Variants in GCSAML observed in about 807,000 individuals in gnomAD.
The protein encoded by GCSAML is germinal center associated signaling and motility like, also known as germinal center-associated signaling and motility-like protein.
Under a neutral mutation model 13.0 loss-of-function variants are expected in GCSAML, and 9 were observed. That is an observed-to-expected ratio of 0.69 (90% CI 0.42 to 1.21). The LOEUF is 1.21. GCSAML is among the 50% of genes most tolerant of loss of function. The pLI, the probability that GCSAML is intolerant of heterozygous loss-of-function variation, is 0.00. For synonymous variants in GCSAML, 37 were observed against 52.9 expected (o/e 0.70, Z 1.31); for missense variants, 143 against 153.4 (o/e 0.93, Z 0.36).
At chr1:247,510,808 T>C (rs1283939609) in intron 1 of GCSAML, among the ~76,000 whole-genome samples, 1 of 152,240 alleles carries the variant, frequency 6.6e-6, no homozygotes. Flanking sequence ...TTTGTGGCTT[T>C]GAGTGAGTTT....
intron 2 of GCSAML, chr1:247,533,581 T>C (rs1460728969): frequency 6.6e-6 from 1 of 152,206 alleles, no homozygotes; most frequent in Non-Finnish European, 1.5e-5. Flanking sequence ...GGAACACTGC[T>C]CAGAGAGGCC....
intron 2 of GCSAML, chr1:247,531,715 C>G: frequency 6.2e-7 from 1 of 1,614,150 alleles, no homozygotes; most frequent in East Asian, 2.2e-5. Context: ...ATGGGAGGTG[C>G]TCTTGGCTGG....
rs1668856302 is a variant in GCSAML, at chr1:247,576,811, C to T, written c.*2429C>T. On this transcript the variant is annotated 3_prime_UTR_variant, in exon 5 of 5. Coordinates refer to ENST00000366488, the MANE Select transcript of GCSAML (RefSeq NM_145278.5). ...AATATGTCAGTCCTGTAGATATTAG[C>T]CAATTTTAGGAAAATGACAAAATTT... 6.6e-6 allele frequency: 1 copy of T among 152,154 alleles called. No individual in the cohort carries two copies. Among genetic ancestry groups the T allele is most frequent in the African/African-American group, 2.4e-5 (1 of 41,432 alleles). 9.4% of individuals were successfully genotyped at this position (152,154 alleles called of 1,614,324 possible).
chr1:247,544,763 G>A (rs2103026742), upstream of GCSAML, among the ~76,000 whole-genome samples: 1 of 152,306 alleles, frequency 6.6e-6, no homozygotes, highest in African/African-American at 2.4e-5. Context: ...CCCAAGGCAG[G>A]AGAATCACTT....
chr1:247,574,195 A>G lies in GCSAML; in HGVS notation c.221A>G (p.His74Arg). The G allele has an allele frequency of 1.2e-6, 2 of 1,614,076 alleles. No individual in the cohort carries two copies. The highest frequency in any genetic ancestry group is 1.7e-6 in the Non-Finnish European group (2 of 1,179,922). ...GAAGTGTGCTACACTGTCATTAATC[A>G]CATCCCCCATCAGAGATCCTCCCTG... ...SEEVCYTVIN[H>R]IPHQRSSLSS... The change falls in exon 5 of 5, where the codon CAC (histidine) becomes CGC (arginine). Residue 74 changes from histidine to arginine, a missense_variant. His to Arg is a conservative substitution (Grantham distance 29, BLOSUM62 0). Coordinates refer to ENST00000366488, the MANE Select transcript of GCSAML (RefSeq NM_145278.5).
chr1:247,556,502 T>A (rs1667956775), intron 2 of GCSAML, 36 bp downstream of exon 2: 3 of 1,478,100 alleles, frequency 2.0e-6, no homozygotes. Context: ...TTTTGTTTTG[T>A]TTTGTTTTGT....
chr1:247,556,500 T>C lies in GCSAML; in HGVS notation c.89+34T>C, dbSNP rs768485110. 1.6e-5 allele frequency: 24 copies of C among 1,477,778 alleles called. No homozygotes were observed. In the Admixed American group the frequency reaches 4.3e-4, roughly 26 times the overall value. 91.5% of individuals were successfully genotyped at this position (1,477,778 alleles called of 1,614,324 possible). ...AGAGCATCTCAGAGTTTTTTTGTTT[T>C]GTTTTGTTTTGTTTTTTCATTGAGA... On this transcript the variant is annotated intron_variant, in intron 2 of 4. Coordinates refer to ENST00000366488, the MANE Select transcript of GCSAML (RefSeq NM_145278.5).
intron 3 of GCSAML, 194 bp from the exon 4 acceptor site, chr1:247,565,737 T>C (rs1668324368): frequency 1.8e-6 from 1 of 544,094 alleles, no homozygotes; most frequent in Non-Finnish European, 3.2e-6. Flanking sequence ...TGTTCTTTCT[T>C]GATTTTTTCA....
intron 2 of GCSAML, among the ~76,000 whole-genome samples, chr1:247,540,526 G>A (rs1212903707): frequency 6.6e-6 from 1 of 152,222 alleles, no homozygotes; most frequent in Non-Finnish European, 1.5e-5. Flanking sequence ...TATGTGTCTT[G>A]TTCTGTCAGA....
upstream of GCSAML, among the ~76,000 whole-genome samples, chr1:247,545,799 A>T (rs1271762116): frequency 6.6e-6 from 1 of 152,180 alleles, no homozygotes; most frequent in African/African-American, 2.4e-5. Flanking sequence ...TTAACCCCTT[A>T]TTAAATATAC....
intron 4 of GCSAML, among the ~76,000 whole-genome samples, chr1:247,571,743 C>T (rs1223218306): frequency 2.6e-5 from 4 of 152,130 alleles, no homozygotes; most frequent in Non-Finnish European, 5.9e-5. Flanking sequence ...ACAATGTTGG[C>T]CTGTCTTGCC....
chr1:247,544,043 A>G (rs555502799), intron 2 of GCSAML, among the ~76,000 whole-genome samples: 2 of 152,328 alleles, frequency 1.3e-5, no homozygotes, highest in East Asian at 3.9e-4. Flanking sequence ...CAGAGCATTG[A>G]AAAACAAGCT....
intron 2 of GCSAML, among the ~76,000 whole-genome samples, chr1:247,556,758 A>G (rs956110505): frequency 6.6e-6 from 1 of 152,196 alleles, no homozygotes; most frequent in Non-Finnish European, 1.5e-5. Context: ...TGTGGTGGCC[A>G]TATTTCCCAC....
chr1:247,528,598 G>A (rs535692089), intron 2 of GCSAML: 19 of 152,314 alleles, frequency 1.2e-4, no homozygotes, highest in Non-Finnish European at 2.4e-4. Context: ...TTAAACCACA[G>A]TACCCCTCCA....
chr1:247,545,810 G>A (rs1007173445), upstream of GCSAML, among the ~76,000 whole-genome samples: 3 of 152,058 alleles, frequency 2.0e-5, no homozygotes, highest in East Asian at 3.9e-4. Flanking sequence ...TTAAATATAC[G>A]GTTTGCAAAT....
intron 1 of GCSAML, among the ~76,000 whole-genome samples, chr1:247,551,671 G>A (rs1244215082): frequency 9.9e-5 from 15 of 152,182 alleles, no homozygotes; most frequent in Admixed American, 9.8e-4. Flanking sequence ...AGATTAATAG[G>A]ACAAAAGGCA....
At chr1:247,532,186 C>A in intron 2 of GCSAML, 1 of 1,614,154 alleles carries the variant, frequency 6.2e-7, no homozygotes, top group Non-Finnish European at 8.5e-7. Flanking sequence ...CTCGGTTGCC[C>A]CCAGCCAATG....
chr1:247,570,223 C>G (rs573951763), intron 4 of GCSAML, among the ~76,000 whole-genome samples: 5 of 152,106 alleles, frequency 3.3e-5, no homozygotes, highest in African/African-American at 1.2e-4. Context: ...CTGCTCTGAT[C>G]TTAGTTATTT....
chr1:247,548,574 G>C (rs1012847327), upstream of GCSAML, among the ~76,000 whole-genome samples: 4 of 151,772 alleles, frequency 2.6e-5, no homozygotes, highest in African/African-American at 9.7e-5. This position sits in a 1 kb window ranked among gnomAD's most constrained non-coding sequence, Gnocchi z 5.3. Context: ...TCTGATTATC[G>C]TTGCTAGAGC....
Sources: gnomAD v4.1 joint callset for allele counts (sites outside exome capture counted in the v4.1 genomes callset) on GRCh38, gnomAD v4.1.1 for gene constraint, Gnocchi (gnomAD v3.1) non-coding constraint, MANE v1.5 for transcripts, NCBI Gene and HGNC (gene_info 2026-07-23, HGNC 2026-07-21) for gene names.